The following DPH6 variants were observed in gnomAD, a reference collection of about 807,000 sequenced individuals.
The protein encoded by DPH6 is diphthamine biosynthesis 6.
In DPH6, 33 loss-of-function variants were observed where a neutral mutation model predicts 38.2. That is an observed-to-expected ratio of 0.86 (90% confidence interval 0.65 to 1.15). The LOEUF is 1.15. Among genes scored for constraint, DPH6 ranks in the 50% most tolerant of loss-of-function variants. The pLI is 0.00. For missense variants in DPH6, 325 were observed against 320.0 expected, an observed-to-expected ratio of 1.02 and a Z score of -0.12; for synonymous variants, 108 against 103.0, an observed-to-expected ratio of 1.05 and a Z score of -0.30.
intron 3 of DPH6, among the ~76,000 whole-genome samples, chr15:35,266,925 T>C (rs180733390): frequency 1.3e-5 from 2 of 152,212 alleles, no homozygotes; most frequent in East Asian, 3.9e-4. Context: ...AAATGATTAG[T>C]GGACAACTAA....
At chr15:35,469,294 AT>A (rs2141122428) in intron 3 of DPH6, among the ~76,000 whole-genome samples, 1 of 152,332 alleles carries the variant, frequency 6.6e-6, no homozygotes, top group African/African-American at 2.4e-5. Context: ...AATTTTAACC[AT>A]TTTTAAGTGT....
intron 5 of DPH6, among the ~76,000 whole-genome samples, chr15:35,438,035 A>G (rs1371371724): frequency 6.6e-6 from 1 of 152,208 alleles, no homozygotes; most frequent in East Asian, 1.9e-4. Context: ...GCCACTTGGC[A>G]TGGTTAAAGT....
intron 3 of DPH6, among the ~76,000 whole-genome samples, chr15:35,260,318 G>A (rs1195307568): frequency 6.6e-6 from 1 of 152,010 alleles, no homozygotes; most frequent in Non-Finnish European, 1.5e-5. Flanking sequence ...ATGTTGGCCA[G>A]GCTGGTCTTG....
intron 3 of DPH6, among the ~76,000 whole-genome samples, chr15:35,361,514 T>C (rs569452224): frequency 1.3e-3 from 87 of 64,664 alleles, no homozygotes; most frequent in Admixed American, 9.1e-3. Flanking sequence ...TAACCTCTCT[T>C]TTTTTTTTTC....
downstream of DPH6, among the ~76,000 whole-genome samples, chr15:35,329,910 C>T (rs1281479507): frequency 6.6e-6 from 1 of 152,058 alleles, no homozygotes; most frequent in Non-Finnish European, 1.5e-5. Flanking sequence ...TGACACAATC[C>T]ATCATTTCTA....
the DPH6 span, among the ~76,000 whole-genome samples, chr15:35,182,404 G>C: frequency 6.6e-6 from 1 of 151,792 alleles, no homozygotes; most frequent in African/African-American, 2.4e-5. Flanking sequence ...AACTGGGATA[G>C]GTTTGTGAGC....
chr15:35,150,758 C>T, the DPH6 span, among the ~76,000 whole-genome samples: 1 of 152,132 alleles, frequency 6.6e-6, no homozygotes, highest in African/African-American at 2.4e-5. Context: ...CAGTGTTTTC[C>T]TGCCACATAG....
At chr15:35,297,539 AT>A (rs980058808) in intron 3 of DPH6, among the ~76,000 whole-genome samples, 4 of 150,450 alleles carry the variant, frequency 2.7e-5, no homozygotes, top group East Asian at 1.9e-4. Flanking sequence ...GAGAGACCAC[AT>A]TTTTTTTTGG....
chr15:35,237,213 C>CT lies in DPH6; in HGVS notation n.201-16632dup. The CT allele has an allele frequency of 4.5e-6, 4 of 897,078 alleles. No homozygotes were observed. The South Asian group carries it at 5.5e-5, about 12-fold the overall frequency. 55.6% of individuals were successfully genotyped at this position (897,078 alleles called of 1,614,324 possible). On this transcript the variant is annotated intron_variant and non_coding_transcript_variant, in intron 3 of 3. Coordinates refer to the DPH6 transcript ENST00000560386. ...TTGAGGTTAGCGTGTGCCGGGGGTG[C>CT]TGGGGGCTCGAGAACTGAGCGGAGC...
At chr15:35,427,275 G>C (rs2053581456) in intron 5 of DPH6, among the ~76,000 whole-genome samples, 1 of 151,946 alleles carries the variant, frequency 6.6e-6, no homozygotes, top group African/African-American at 2.4e-5. Flanking sequence ...AATCTCCTAG[G>C]AGGAAATAAT....
chr15:35,267,216 G>T (rs1477618204), intron 3 of DPH6, among the ~76,000 whole-genome samples: 2 of 152,230 alleles, frequency 1.3e-5, no homozygotes, highest in Non-Finnish European at 2.9e-5. Flanking sequence ...GTAAACTGTT[G>T]TGAGTGGGCA....
intron 3 of DPH6, among the ~76,000 whole-genome samples, chr15:35,531,269 A>G (rs1595447648): frequency 6.6e-6 from 1 of 152,182 alleles, no homozygotes; most frequent in East Asian, 1.9e-4. Flanking sequence ...TCTGCTCAGC[A>G]TTTTCATAAA....
intron 3 of DPH6, among the ~76,000 whole-genome samples, chr15:35,515,654 G>C (rs1451718682): frequency 6.9e-6 from 1 of 145,260 alleles, no homozygotes; most frequent in East Asian, 2.1e-4. Flanking sequence ...CCAGAAGGCA[G>C]AGCTTGCAGT....
intron 3 of DPH6, among the ~76,000 whole-genome samples, chr15:35,457,273 GT>G (rs1474852684): frequency 6.6e-6 from 1 of 151,668 alleles, no homozygotes; most frequent in Non-Finnish European, 1.5e-5. Flanking sequence ...TTTATTTTTT[GT>G]TTGATAACAC....
intron 3 of DPH6, 31 bp downstream of exon 3, chr15:35,538,243 T>C: frequency 7.1e-7 from 1 of 1,409,994 alleles, no homozygotes. Context: ...ACACACTAAA[T>C]CCAATATACT....
intron 3 of DPH6, chr15:35,490,238 CAAAT>C: frequency 1.0e-6 from 1 of 972,042 alleles, no homozygotes; most frequent in Non-Finnish European, 1.2e-6. Flanking sequence ...AAAAGAAAAA[CAAAT>C]AAGAAGACAG....
chr15:35,317,610 A>G (rs1387522375), intron 3 of DPH6, among the ~76,000 whole-genome samples: 4 of 151,720 alleles, frequency 2.6e-5, no homozygotes, highest in Non-Finnish European at 4.4e-5. Context: ...AAAGAAAAAA[A>G]GAAGATTCCA....
intron 3 of DPH6, among the ~76,000 whole-genome samples, chr15:35,482,646 C>T (rs1281223824): frequency 6.6e-6 from 1 of 152,068 alleles, no homozygotes; most frequent in Non-Finnish European, 1.5e-5. Context: ...AGTATAGATA[C>T]AACTGAGTAT....
chr15:35,359,701 G>C (rs1425756146), intron 3 of DPH6, among the ~76,000 whole-genome samples: 2 of 152,110 alleles, frequency 1.3e-5, no homozygotes, highest in Non-Finnish European at 2.9e-5. Flanking sequence ...TCTGCAGTTG[G>C]GGCACTCACA....
Sources: gnomAD v4.1 joint callset for allele counts (sites outside exome capture counted in the v4.1 genomes callset) on GRCh38, gnomAD v4.1.1 for gene constraint, MANE v1.5 for transcripts, NCBI Gene and HGNC (gene_info 2026-07-23, HGNC 2026-07-21) for gene names.